Variants in HERC2 observed in about 807,000 individuals in gnomAD.
HERC2 encodes E3 ubiquitin-protein ligase HERC2.
HERC2 carries 102 observed loss-of-function variants against 537.7 expected under a neutral mutation model. The ratio of observed to expected loss-of-function variants is 0.19; its 90% CI spans 0.16 to 0.22. The LOEUF is 0.22. Ranked by LOEUF, HERC2 falls within the 10% of genes least tolerant of loss-of-function variation. The pLI, the probability that HERC2 is intolerant of heterozygous loss-of-function variation, is 1.00. For missense variants in HERC2, 4,236 were observed against 6,198.2 expected (o/e 0.68, Z 10.63); for synonymous variants, 2,224 against 2,466.2 (o/e 0.90, Z 2.91).
At chr15:28,256,909 T>G in intron 17 of HERC2, 152 bp downstream of exon 17, 1 of 727,638 alleles carries the variant, frequency 1.4e-6, no homozygotes, top group Non-Finnish European at 2.3e-6. Context: ...TCATGTTTTT[T>G]AAGACTCGCG....
intron 21 of HERC2, 57 bp from the exon 22 acceptor site, chr15:28,246,954 AAACT>A (rs1903771087): frequency 1.4e-6 from 2 of 1,434,508 alleles, no homozygotes; most frequent in Non-Finnish European, 1.9e-6. Flanking sequence ...CTTTGTAAAC[AAACT>A]AACTGCTCCA....
Position 28,220,564 on chromosome 15 carries a change from G to T in HERC2, c.5733C>A (p.Gly1911=). Residue 1911 remains glycine, a synonymous_variant, in exon 37 of 93, where the codon GGC becomes GGA. Coordinates refer to ENST00000261609, the MANE Select transcript of HERC2 (RefSeq NM_004667.6). ...TCCCCATCCTGTAGGAGTTGGTGCTGCCTGTGTCCCACTGGACTCTTATCC... is the reference window on the plus strand; with the variant it reads ...TCCCCATCCTGTAGGAGTTGGTGCTTCCTGTGTCCCACTGGACTCTTATCC... The part of the protein sequence containing the change: ...DGWIRVQWDT[G]STNSYRMGKE... 1.2e-6 allele frequency: 2 copies of T among 1,601,554 alleles called. No individual in the cohort carries two copies. Among genetic ancestry groups the T allele is most frequent in the Non-Finnish European group, 1.7e-6 (2 of 1,179,774 alleles).
At chr15:28,313,116 C>T (rs2141287054) in intron 2 of HERC2, among the ~76,000 whole-genome samples, 1 of 150,572 alleles carries the variant, frequency 6.6e-6, no homozygotes, top group South Asian at 2.1e-4. Flanking sequence ...GCAGCCAGGG[C>T]AAGCCTTCAC....
At chr15:28,144,464 G>A (rs534105653) in intron 72 of HERC2, among the ~76,000 whole-genome samples, 20 of 152,336 alleles carry the variant, frequency 1.3e-4, no homozygotes, top group African/African-American at 4.3e-4. Context: ...TCCACACCAG[G>A]TGAGGAGGAG....
chr15:28,288,535 CAAAAA>C (rs1216166029), intron 4 of HERC2, among the ~76,000 whole-genome samples: 2 of 82,426 alleles, frequency 2.4e-5, no homozygotes, highest in Admixed American at 1.3e-4. Context: ...AACTCCGACT[CAAAAA>C]AAAAAAAAAA....
At chr15:28,290,596 C>T (rs1044013526) in intron 4 of HERC2, among the ~76,000 whole-genome samples, 5 of 152,144 alleles carry the variant, frequency 3.3e-5, no homozygotes, top group Non-Finnish European at 7.4e-5. Context: ...TCAGACAAGC[C>T]TCAACATTGA....
chr15:28,130,531 G>C lies in HERC2; in HGVS notation c.12634C>G (p.Leu4212Val), dbSNP rs781678134. The change falls in exon 82 of 93, where the codon CTT becomes GTT. Residue 4212 changes from leucine (L) to valine (V), a missense_variant. Leu to Val is a conservative substitution (Grantham distance 32, BLOSUM62 1). Coordinates refer to ENST00000261609, the MANE Select transcript of HERC2 (RefSeq NM_004667.6). Reference sequence around the variant, plus strand: ...GTATAAACAGCTCCAGATTTGGTAAGGGCAACAGAAAACTGGGATCCGCAT... The same window carrying C: ...GTATAAACAGCTCCAGATTTGGTAACGGCAACAGAAAACTGGGATCCGCAT... ...VECGSQFSVA[L>V]TKSGAVYTWG... is the part of the protein sequence containing the mutation. The C allele has an allele frequency of 6.2e-7, 1 of 1,613,878 alleles. No individual in the cohort carries two copies. The highest frequency in any genetic ancestry group is 2.2e-5 in the East Asian group (1 of 44,882).
chr15:28,225,712 A>AAG, intron 35 of HERC2, among the ~76,000 whole-genome samples: 1 of 151,210 alleles, frequency 6.6e-6, no homozygotes, highest in African/African-American at 2.4e-5. Flanking sequence ...AAAAAAAAAA[A>AAG]AAAGAAAGAA....
chr15:28,118,277 G>A (rs1299069452), intron 86 of HERC2: 1 of 153,204 alleles, frequency 6.5e-6, no homozygotes, highest in East Asian at 1.9e-4. Context: ...GGTGCACCCA[G>A]CTCCCCGAAG....
In HERC2 at chr15:28,265,868, C is replaced by T. The variant is rs1245824916; in HGVS notation, c.1705G>A (p.Glu569Lys). 2.5e-6 allele frequency: 4 copies of T among 1,614,042 alleles called. No homozygotes were observed. Among genetic ancestry groups the T allele is most frequent in the East Asian group, 2.2e-5 (1 of 44,868 alleles). ...CGGCCCCAGGTGTACAGCTCCCCCT[C>T]GGCAGTGATGGCCGCACTGTAAGTG... ...GSTYSAAITAEGELYTWGRGN... is the reference protein window; with the variant it reads ...GSTYSAAITAKGELYTWGRGN... Residue 569 changes from glutamate to lysine, a missense_variant, in exon 13 of 93, where the codon GAG becomes AAG. This residue lies in a region of HERC2 where 754 missense variants were observed against 1,085.0 expected (regional missense o/e 0.69). Transcript: ENST00000261609. This position sits in a 1 kb window ranked among gnomAD's most constrained non-coding sequence, Gnocchi z 4.0.
intron 23 of HERC2, 109 bp downstream of exon 23, chr15:28,245,772 G>C (rs902046744): frequency 9.6e-7 from 1 of 1,038,860 alleles, no homozygotes; most frequent in African/African-American, 1.6e-5. Flanking sequence ...ACCATCAGTA[G>C]AAATGGCAAA....
At chr15:28,136,258 C>G (rs888569473) in intron 78 of HERC2, among the ~76,000 whole-genome samples, 75 of 152,284 alleles carry the variant, frequency 4.9e-4, no homozygotes, top group South Asian at 2.5e-3. Flanking sequence ...AGGCAAACAT[C>G]CCTCCTGATA....
At chr15:28,117,849 G>T (rs542991472) in intron 86 of HERC2, 1 of 328,516 alleles carries the variant, frequency 3.0e-6, no homozygotes. Flanking sequence ...GGGCCCCGCC[G>T]CAGCAGGACC....
At chr15:28,141,237 A>T (rs1891194015) in intron 78 of HERC2, among the ~76,000 whole-genome samples, 195 bp downstream of exon 78, 2 of 151,886 alleles carry the variant, frequency 1.3e-5, no homozygotes, top group South Asian at 2.1e-4. Context: ...AAACTGTCTT[A>T]AACTTTTTTT....
intron 70 of HERC2, among the ~76,000 whole-genome samples, chr15:28,149,222 C>T (rs1892117990): frequency 6.6e-6 from 1 of 151,290 alleles, no homozygotes; most frequent in African/African-American, 2.4e-5. Context: ...ATACACGCAG[C>T]TCCTAACTGA....
chr15:28,208,044 G>A (rs370818978), intron 44 of HERC2, among the ~76,000 whole-genome samples: 1 of 152,190 alleles, frequency 6.6e-6, no homozygotes, highest in South Asian at 2.1e-4. Context: ...GCTGAGTGCA[G>A]AACAGAACAG....
Position 28,130,196 on chromosome 15 carries a change from C to T in HERC2, c.12769G>A (p.Gly4257Ser). Residue 4257 changes from glycine to serine, a missense_variant, in exon 83 of 93, where the codon GGC becomes AGC. Physicochemically the swap from Gly to Ser is moderately conservative, Grantham distance 56. Around this residue, in one of 27 missense-constraint regions of HERC2, gnomAD observed 189 missense variants for 255.7 expected, o/e 0.74. Coordinates refer to ENST00000261609, the MANE Select transcript of HERC2 (RefSeq NM_004667.6). Reference sequence around the variant, plus strand: ...GTGCAGCACACACAGTGCAGGGAGCCAGTGGCGATGGCGATGACTTTCTTC... The same window carrying T: ...GTGCAGCACACACAGTGCAGGGAGCTAGTGGCGATGGCGATGACTTTCTTC... Reference protein sequence around the residue: ...QGKKVIAIATGSLHCVCCTED... With the variant: ...QGKKVIAIATSSLHCVCCTED... 1 of 1,614,188 alleles carries T rather than the reference C, an allele frequency of 6.2e-7. No homozygotes were observed. The highest frequency in any genetic ancestry group is 8.5e-7 in the Non-Finnish European group (1 of 1,180,014).
intron 2 of HERC2, among the ~76,000 whole-genome samples, chr15:28,308,833 T>G (rs770343441): frequency 5.9e-5 from 9 of 152,246 alleles, no homozygotes; most frequent in Non-Finnish European, 1.2e-4. Flanking sequence ...TCTGTTGACA[T>G]GATGTATCAC....
intron 83 of HERC2, among the ~76,000 whole-genome samples, chr15:28,128,014 C>T (rs572883178): frequency 3.4e-4 from 52 of 152,252 alleles, no homozygotes; most frequent in African/African-American, 1.2e-3. Flanking sequence ...TAGTGAGCAT[C>T]ATCAGCAAGC....
Sources: allele counts gnomAD v4.1 joint callset (sites outside exome capture counted in the v4.1 genomes callset), GRCh38; gene constraint gnomAD v4.1.1; regional missense constraint gnomAD v4.1.1; non-coding constraint Gnocchi (gnomAD v3.1); transcripts MANE v1.5; gene names NCBI Gene and HGNC (gene_info 2026-07-23, HGNC 2026-07-21).